Variants in CD300E observed in about 807,000 individuals in gnomAD.
CD300E encodes the protein CMRF35-like molecule 2.
In CD300E, 14 loss-of-function variants were observed where a neutral mutation model predicts 20.9. That is an observed-to-expected ratio of 0.67 (90% CI 0.44 to 1.05). The LOEUF (loss-of-function observed/expected upper bound fraction) is 1.05, where lower values mean the gene tolerates loss of function less well. Ranked by LOEUF, CD300E falls within the 50% of genes least tolerant of loss-of-function variation. The probability of loss-of-function intolerance (pLI) is 0.00; values close to 1 mark genes in which losing one functional copy is unlikely to be tolerated. For synonymous variants in CD300E, 102 were observed against 103.7 expected, an observed-to-expected ratio of 0.98 and a Z score of 0.10; for missense variants, 237 against 253.9, an observed-to-expected ratio of 0.93 and a Z score of 0.45.
At chr17:74,613,679 C>T (rs751787023) in intron 3 of CD300E, among the ~76,000 whole-genome samples, 3 of 152,148 alleles carry the variant, frequency 2.0e-5, no homozygotes, top group Non-Finnish European at 4.4e-5. Flanking sequence ...GGAGGGGCTG[C>T]ACGTCCACCT....
At chr17:74,616,045 C>T (rs1038151163) in intron 2 of CD300E, among the ~76,000 whole-genome samples, 10 of 152,062 alleles carry the variant, frequency 6.6e-5, no homozygotes, top group Middle Eastern at 3.2e-3. Context: ...GATCGCTCCA[C>T]GGCACTCCAG....
At chr17:74,621,731 A>C (rs2031026550) in intron 1 of CD300E, among the ~76,000 whole-genome samples, 1 of 152,180 alleles carries the variant, frequency 6.6e-6, no homozygotes, top group South Asian at 2.1e-4. Flanking sequence ...CTCCATGGCC[A>C]ATGGAAAGAG....
chr17:74,617,062 G>T, intron 2 of CD300E, 56 bp downstream of exon 2: 1 of 1,471,848 alleles, frequency 6.8e-7, no homozygotes, highest in Non-Finnish European at 9.5e-7. Flanking sequence ...GCCCACCCTT[G>T]TTCCCTTGTC....
In CD300E at chr17:74,617,459, A is replaced by T; in HGVS notation, c.47T>A (p.Leu16Ter). ...CACAGAGCCGGGGCCCTTCAGAGAC[A>T]AACAGCCTGGAAAACACAAGCCCGA... ...ALLLLCLSGC[L>*]SLKGPGSVTG... The change falls in exon 2 of 4, where the codon TTG (leucine) becomes TAG (stop). Residue 16 changes from leucine to a stop codon, truncating the protein, a stop_gained. Coordinates refer to ENST00000392619, the MANE Select transcript of CD300E (RefSeq NM_181449.3). LOFTEE classifies it high-confidence loss of function. The T allele has an allele frequency of 6.2e-7, 1 of 1,611,510 alleles. No individual in the cohort carries two copies. The highest frequency in any genetic ancestry group is 2.2e-5 in the East Asian group (1 of 44,850).
chr17:74,613,837 C>A, intron 3 of CD300E, 88 bp downstream of exon 3: 1 of 751,424 alleles, frequency 1.3e-6, no homozygotes, highest in Non-Finnish European at 2.3e-6. Context: ...CAGACAGTGA[C>A]GATCTCAGGT....
intron 2 of CD300E, among the ~76,000 whole-genome samples, chr17:74,615,984 G>T (rs553366365): frequency 6.6e-6 from 1 of 152,188 alleles, no homozygotes; most frequent in Non-Finnish European, 1.5e-5. Flanking sequence ...TACTCAGGGG[G>T]CTGAGGTGGG....
In CD300E at chr17:74,617,221, A is replaced by G; in HGVS notation, c.285T>C (p.Asn95=). ...LAFTVTMQNL[N]EDDAGSYWCK... ...ACCAGTAAGATCCAGCATCATCTTC[A>G]TTGAGGTTCTGCATGGTCACAGTGA... Residue 95 remains asparagine (N), a synonymous_variant, in exon 2 of 4, where the codon AAT becomes AAC. Transcript: ENST00000392619. The G allele has an allele frequency of 1.2e-6, 2 of 1,614,166 alleles. No individual in the cohort carries two copies. The highest frequency in any genetic ancestry group is 1.7e-6 in the Non-Finnish European group (2 of 1,180,024).
intron 1 of CD300E, among the ~76,000 whole-genome samples, chr17:74,618,273 A>G (rs1027881619): frequency 1.3e-5 from 2 of 152,236 alleles, no homozygotes; most frequent in Admixed American, 1.3e-4. Flanking sequence ...AGAGCCCCCC[A>G]ATATCTTAAG....
At position 74,611,954 on chromosome 17, in the gene CD300E, G is replaced by A. The variant is rs2030786542; in HGVS notation, c.*699C>T. 6.6e-6 allele frequency: 1 copy of A among 152,370 alleles called. No homozygotes were observed. The highest frequency in any genetic ancestry group is 1.5e-5 in the Non-Finnish European group (1 of 68,156). 9.4% of individuals were successfully genotyped at this position (152,370 alleles called of 1,614,324 possible). On this transcript the variant is annotated 3_prime_UTR_variant, in exon 4 of 4. Transcript: ENST00000392619. ...GACGAGAGGAGCCCTGAGCATGTGG[G>A]ACACTGGGCAACTGCATGAGCAAGC...
Position 74,610,353 on chromosome 17 carries a change from T to C in CD300E, c.*2300A>G, listed in dbSNP as rs555542. On this transcript the variant is annotated 3_prime_UTR_variant, in exon 4 of 4. Coordinates refer to ENST00000392619, the MANE Select transcript of CD300E (RefSeq NM_181449.3). The stretch of plus-strand genomic sequence containing the variant: ...CTCCATGTTTTCACTTCTTGCTGGG[T>C]TCCAGTTAATCTCTCTACACACATT... 0.58 allele frequency: 88,366 copies of C among 152,050 alleles called. 27,057 individuals carry two copies. The highest frequency in any genetic ancestry group is 0.78 in the African/African-American group (32,464 of 41,444). 9.4% of individuals were successfully genotyped at this position (152,050 alleles called of 1,614,324 possible). A position where few individuals can be genotyped will look rare whatever the true frequency, so the allele number is the denominator to read the frequency against.
intron 1 of CD300E, among the ~76,000 whole-genome samples, 158 bp from the exon 2 acceptor site, chr17:74,617,623 C>G (rs562106307): frequency 6.6e-6 from 1 of 152,116 alleles, no homozygotes; most frequent in African/African-American, 2.4e-5. Context: ...GCCAAAGAGT[C>G]CCTGTGAGAG....
Position 74,617,418 on chromosome 17 carries a change from C to A in CD300E, c.88G>T (p.Asp30Tyr). ...TACTGACACCACACTGTCAGAGAGTCCCCCGCAGTGCCAGTCACAGAGCCG... is the reference window on the plus strand; with the variant it reads ...TACTGACACCACACTGTCAGAGAGTACCCCGCAGTGCCAGTCACAGAGCCG... ...GPGSVTGTAG[D>Y]SLTVWCQYES... Residue 30 changes from aspartate (D) to tyrosine (Y), a missense_variant, in exon 2 of 4, where the codon GAC becomes TAC. By Grantham distance (160) the Asp-to-Tyr change is radical (BLOSUM62 -3). Transcript: ENST00000392619. The A allele has an allele frequency of 5.0e-6, 8 of 1,613,928 alleles. No individual in the cohort carries two copies. The highest frequency in any genetic ancestry group is 5.9e-6 in the Non-Finnish European group (7 of 1,180,014).
At chr17:74,613,864 C>G in intron 3 of CD300E, 61 bp downstream of exon 3, 1 of 1,118,750 alleles carries the variant, frequency 8.9e-7, no homozygotes, top group Non-Finnish European at 1.3e-6. Context: ...GCGCCACCCC[C>G]ACCCCCCAGC....
At chr17:74,620,771 A>T (rs1244868072) in intron 1 of CD300E, among the ~76,000 whole-genome samples, 1 of 152,246 alleles carries the variant, frequency 6.6e-6, no homozygotes, top group Non-Finnish European at 1.5e-5. Context: ...GGCAACTTGC[A>T]GAGGGGAGAG....
intron 1 of CD300E, among the ~76,000 whole-genome samples, chr17:74,619,686 C>T (rs2030979080): frequency 6.6e-6 from 1 of 152,144 alleles, no homozygotes; most frequent in South Asian, 2.1e-4. Flanking sequence ...ACCATTTTGT[C>T]CCTTCCAGAG....
Position 74,612,522 on chromosome 17 carries a change from C to T in CD300E, c.*131G>A, listed in dbSNP as rs948769380. The T allele has an allele frequency of 3.0e-6, 4 of 1,311,610 alleles. No individual in the cohort carries two copies. In the African/African-American group the frequency reaches 5.9e-5, roughly 19 times the overall value. The allele number at this position is 1,311,610 out of a possible 1,614,324, so 81.2% of individuals were successfully genotyped here. A position where few individuals can be genotyped will look rare whatever the true frequency, so the allele number is the denominator to read the frequency against. ...GGAGTGTCCTCTAAGAGCCAGGACC[C>T]TCCTTTGAGGCACAGGAACAATAAA... On this transcript the variant is annotated 3_prime_UTR_variant, in exon 4 of 4. Coordinates refer to ENST00000392619, the MANE Select transcript of CD300E (RefSeq NM_181449.3).
chr17:74,621,071 A>G (rs568644676), intron 1 of CD300E, among the ~76,000 whole-genome samples: 2 of 152,294 alleles, frequency 1.3e-5, no homozygotes, highest in African/African-American at 4.8e-5. Context: ...AGAAGAGGAA[A>G]GAAAAAGATG....
intron 1 of CD300E, 77 bp downstream of exon 1, chr17:74,623,505 T>G: frequency 6.9e-7 from 1 of 1,457,870 alleles, no homozygotes; most frequent in Non-Finnish European, 9.5e-7. Context: ...CACCTCTGGT[T>G]TGAACCCAGG....
chr17:74,612,521 C>A lies in CD300E; in HGVS notation c.*132G>T. The A allele has an allele frequency of 7.8e-7, 1 of 1,279,964 alleles. No individual in the cohort carries two copies. The highest frequency in any genetic ancestry group is 1.1e-6 in the Non-Finnish European group (1 of 932,118). 79.3% of individuals were successfully genotyped at this position (1,279,964 alleles called of 1,614,324 possible). ...AGGAGTGTCCTCTAAGAGCCAGGAC[C>A]CTCCTTTGAGGCACAGGAACAATAA... On this transcript the variant is annotated 3_prime_UTR_variant, in exon 4 of 4. Transcript: ENST00000392619.
Sources: allele counts gnomAD v4.1 joint callset (sites outside exome capture counted in the v4.1 genomes callset), GRCh38; gene constraint gnomAD v4.1.1; transcripts MANE v1.5; gene names NCBI Gene and HGNC (gene_info 2026-07-23, HGNC 2026-07-21).